Variants in ZNF888 observed in about 807,000 individuals in gnomAD.
ZNF888 encodes the protein CTD-2331H12.6.
ZNF888 carries 5 observed loss-of-function variants against 7.2 expected under a neutral mutation model. The ratio of observed to expected loss-of-function variants is 0.70; its 90% CI spans 0.36 to 1.46. The LOEUF is 1.46. ZNF888 is among the 40% of genes most tolerant of loss of function. The pLI is 0.03. For missense variants in ZNF888, 716 were observed against 858.0 expected, an observed-to-expected ratio of 0.83 and a Z score of 2.07; for synonymous variants, 240 against 284.3, an observed-to-expected ratio of 0.84 and a Z score of 1.57.
Position 52,908,118 on chromosome 19 carries a change from G to T in ZNF888, c.204C>A (p.Ile68=), listed in dbSNP as rs763813548. The change falls in exon 5 of 5, where the codon ATC becomes ATA. Residue 68 remains isoleucine, a synonymous_variant. Coordinates refer to ENST00000638862, the MANE Select transcript of ZNF888 (RefSeq NM_001393938.1). The part of the protein sequence containing the change: ...SSIGKGNTEV[I]HTGTLQRLAS... The stretch of plus-strand genomic sequence containing the variant: ...CCAGTCTTTGCAATGTCCCTGTGTG[G>T]ATCACTTCTGTATTGCCTTTCCCTA... The T allele has an allele frequency of 1.9e-6, 3 of 1,614,050 alleles. No individual in the cohort carries two copies. In the Admixed American group the frequency reaches 5.0e-5, roughly 27 times the overall value.
intron 4 of ZNF888, among the ~76,000 whole-genome samples, chr19:52,908,844 CAAAAAAAAAAA>C (rs11326533): frequency 1.2e-5 from 1 of 81,274 alleles, no homozygotes; most frequent in East Asian, 3.5e-4. Context: ...AGACTCGAGT[CAAAAAAAAAAA>C]AAAAAAAAAG....
At position 52,912,820 on chromosome 19, in the gene ZNF888, CAGAT is replaced by C. The variant is rs568629802; in HGVS notation, c.142+2372_142+2375del. 3.5e-3 allele frequency among the ~76,000 whole-genome samples: 536 copies of C among 152,070 alleles called. 4 individuals carry two copies. Among genetic ancestry groups the C allele is most frequent in the African/African-American group, 0.012 (510 of 41,518 alleles). ...TCTCCAGTAAAGGTAAATTAAAAAA[CAGAT>C]AGGCCGGACATGGTGACTCATGCCT... On this transcript the variant is annotated intron_variant, in intron 4 of 4. Coordinates refer to ENST00000638862, the MANE Select transcript of ZNF888 (RefSeq NM_001393938.1).
chr19:52,908,182 A>G lies in ZNF888; in HGVS notation c.143-3T>C, dbSNP rs2064634782. ...CATCATGCATTTGGAAGAGATATCT[A>G]CAAAATATAAACGCCAATAGTTTTC... is the stretch of plus-strand genomic sequence containing the variant. On this transcript the variant is annotated splice_polypyrimidine_tract_variant and splice_region_variant and intron_variant, in intron 4 of 4. Coordinates refer to ENST00000638862, the MANE Select transcript of ZNF888 (RefSeq NM_001393938.1). 6.2e-7 allele frequency: 1 copy of G among 1,613,542 alleles called. No homozygotes were observed. Among genetic ancestry groups the G allele is most frequent in the Non-Finnish European group, 8.5e-7 (1 of 1,179,558 alleles).
Position 52,905,773 on chromosome 19 carries a change from T to C in ZNF888, c.*392A>G. 1 of 573,444 alleles carries C rather than the reference T, an allele frequency of 1.7e-6. No homozygotes were observed. The highest frequency in any genetic ancestry group is 3.4e-6 in the Non-Finnish European group (1 of 291,056). The allele number at this position is 573,444 out of a possible 1,614,324, so 35.5% of individuals were successfully genotyped here. On this transcript the variant is annotated 3_prime_UTR_variant, in exon 5 of 5. Transcript: ENST00000638862. ...CGGAACTATTATCTCAAAAATAAAT[T>C]TTCTGATATTCTGCAAGGAGTGATC...
At position 52,906,978 on chromosome 19, in the gene ZNF888, A is replaced by G; in HGVS notation, c.1344T>C (p.Asn448=). 1.2e-6 allele frequency: 2 copies of G among 1,612,116 alleles called. No individual in the cohort carries two copies. Among genetic ancestry groups the G allele is most frequent in the South Asian group, 2.2e-5 (2 of 90,992 alleles). The change falls in exon 5 of 5, where the codon AAT becomes AAC. Residue 448 remains asparagine, a synonymous_variant. Coordinates refer to ENST00000638862, the MANE Select transcript of ZNF888 (RefSeq NM_001393938.1). ...YKCNECGKVF[N]QQSNLARHHR... The stretch of plus-strand genomic sequence containing the variant: ...GATGACGTGCAAGGTTTGATTGTTG[A>G]TTGAAAACCTTGCCACATTCATTAC...
Position 52,905,776 on chromosome 19 carries a change from CT to C in ZNF888, c.*388del. 1.7e-6 allele frequency: 1 copy of C among 580,282 alleles called. No homozygotes were observed. Among genetic ancestry groups the C allele is most frequent in the Non-Finnish European group, 3.4e-6 (1 of 295,696 alleles). 35.9% of individuals were successfully genotyped at this position (580,282 alleles called of 1,614,324 possible). ...AACTATTATCTCAAAAATAAATTTT[CT>C]GATATTCTGCAAGGAGTGATCTCAG... On this transcript the variant is annotated 3_prime_UTR_variant, in exon 5 of 5. Transcript: ENST00000638862.
chr19:52,923,273 C>T (rs1328527181), intron 1 of ZNF888, 96 bp downstream of exon 1: 1 of 983,912 alleles, frequency 1.0e-6, no homozygotes. Context: ...GGAAGAAGGG[C>T]GAGAATTTCC....
chr19:52,912,359 C>T (rs1600681703), intron 4 of ZNF888, among the ~76,000 whole-genome samples: 2 of 151,074 alleles, frequency 1.3e-5, no homozygotes, highest in Non-Finnish European at 3.0e-5. Context: ...GTGATCCGCC[C>T]CCCTCGGCCT....
chr19:52,908,588 T>C (rs1343249403), intron 4 of ZNF888, among the ~76,000 whole-genome samples: 1 of 152,196 alleles, frequency 6.6e-6, no homozygotes, highest in Non-Finnish European at 1.5e-5. Context: ...CAATGTACTA[T>C]ATTGGTAAAT....
At position 52,906,576 on chromosome 19, in the gene ZNF888, T is replaced by G; in HGVS notation, c.1746A>C (p.Glu582Asp). The change falls in exon 5 of 5, where the codon GAA (glutamate) becomes GAC (aspartate). Residue 582 changes from glutamate to aspartate, a missense_variant. Coordinates refer to ENST00000638862, the MANE Select transcript of ZNF888 (RefSeq NM_001393938.1). ...HTGEKPYKCN[E>D]CGKVFRTQSQ... Reference sequence around the variant, plus strand: ...ACTGTGTCCTAAAAACCTTGCCACATTCATTACACTTGTAAGGTTTCTCTC... The same window carrying G: ...ACTGTGTCCTAAAAACCTTGCCACAGTCATTACACTTGTAAGGTTTCTCTC... The G allele has an allele frequency of 6.2e-7, 1 of 1,613,740 alleles. No individual in the cohort carries two copies. Among genetic ancestry groups the G allele is most frequent in the Non-Finnish European group, 8.5e-7 (1 of 1,179,836 alleles).
chr19:52,907,418 C>G lies in ZNF888; in HGVS notation c.904G>C (p.Glu302Gln). ...HTGEKPYKCN[E>Q]CGKTFSDKSA... Reference sequence around the variant, plus strand: ...TTGTCACTGAACGTCTTGCCACACTCATTACACTTGTAAGGTTTTTCTCCA... The same window carrying G: ...TTGTCACTGAACGTCTTGCCACACTGATTACACTTGTAAGGTTTTTCTCCA... Residue 302 changes from glutamate (E) to glutamine (Q), a missense_variant, in exon 5 of 5, where the codon GAG becomes CAG. Coordinates refer to ENST00000638862, the MANE Select transcript of ZNF888 (RefSeq NM_001393938.1). The G allele has an allele frequency of 6.2e-7, 1 of 1,612,226 alleles. No homozygotes were observed. The highest frequency in any genetic ancestry group is 2.2e-5 in the East Asian group (1 of 44,872).
rs2064772099 is a variant in ZNF888, at chr19:52,918,113, G to A, written c.-58-182C>T. The A allele has an allele frequency of 2.1e-6, 3 of 1,400,842 alleles. No homozygotes were observed. The East Asian group carries it at 7.9e-5, about 37-fold the overall frequency. 86.8% of individuals were successfully genotyped at this position (1,400,842 alleles called of 1,614,324 possible). A position where few individuals can be genotyped will look rare whatever the true frequency, so the allele number is the denominator to read the frequency against. On this transcript the variant is annotated intron_variant, in intron 2 of 4. Coordinates refer to ENST00000638862, the MANE Select transcript of ZNF888 (RefSeq NM_001393938.1). ...TAGGAAAACTCCCACTCCCCTTCTGGAGAAGCCCACACACACGCTGCAGCA... is the reference window on the plus strand; with the variant it reads ...TAGGAAAACTCCCACTCCCCTTCTGAAGAAGCCCACACACACGCTGCAGCA...
chr19:52,908,721 C>A (rs2064640380), intron 4 of ZNF888, among the ~76,000 whole-genome samples: 1 of 151,958 alleles, frequency 6.6e-6, no homozygotes, highest in African/African-American at 2.4e-5. Flanking sequence ...TGGCCCGTGC[C>A]TGTAATCCCA....
intron 4 of ZNF888, among the ~76,000 whole-genome samples, chr19:52,909,501 G>A (rs2064652069): frequency 6.6e-6 from 1 of 151,988 alleles, no homozygotes; most frequent in Non-Finnish European, 1.5e-5. Context: ...ACATGTCTCA[G>A]CCTCCTAAAT....
chr19:52,906,649 C>T lies in ZNF888; in HGVS notation c.1673G>A (p.Ser558Asn). 3 of 1,612,760 alleles carry T rather than the reference C, an allele frequency of 1.9e-6. No individual in the cohort carries two copies. Among genetic ancestry groups the T allele is most frequent in the Non-Finnish European group, 2.5e-6 (3 of 1,179,552 alleles). The change falls in exon 5 of 5, where the codon AGT becomes AAT. Residue 558 changes from serine (S) to asparagine (N), a missense_variant. By Grantham distance (46) the Ser-to-Asn change is conservative. Around this residue, in one of 2 missense-constraint regions of ZNF888, gnomAD observed 697 missense variants for 803.4 expected, o/e 0.87. Transcript: ENST00000638862. Reference protein sequence around the residue: ...KRYKCNECGKSFNHKSSLAYH... With the variant: ...KRYKCNECGKNFNHKSSLAYH... Reference sequence around the variant, plus strand: ...TGCAAGGCTTGATTTGTGATTAAAACTTTTGCCACATTCATTACACTTGTA... The same window carrying T: ...TGCAAGGCTTGATTTGTGATTAAAATTTTTGCCACATTCATTACACTTGTA...
rs905254986 is a variant in ZNF888 at position 52,905,923 on chromosome 19, G to A, written c.*242C>T. 2 of 804,052 alleles carry A rather than the reference G, an allele frequency of 2.5e-6. No homozygotes were observed. Among genetic ancestry groups the A allele is most frequent in the African/African-American group, 3.2e-5 (2 of 62,268 alleles). 49.8% of individuals were successfully genotyped at this position (804,052 alleles called of 1,614,324 possible). Reference sequence around the variant, plus strand: ...TGCTCACAATCATCACACTTGTGAGGTTTCTCTCCTGTATGAATTCTCCTG... The same window carrying A: ...TGCTCACAATCATCACACTTGTGAGATTTCTCTCCTGTATGAATTCTCCTG... On this transcript the variant is annotated 3_prime_UTR_variant, in exon 5 of 5. Coordinates refer to ENST00000638862, the MANE Select transcript of ZNF888 (RefSeq NM_001393938.1).
Position 52,905,900 on chromosome 19 carries a change from C to G in ZNF888, c.*265G>C. On this transcript the variant is annotated 3_prime_UTR_variant, in exon 5 of 5. Coordinates refer to ENST00000638862, the MANE Select transcript of ZNF888 (RefSeq NM_001393938.1). ...GTGTGAACGTGAAGTAAAGGCTTTG[C>G]TCACAATCATCACACTTGTGAGGTT... 1 of 781,536 alleles carries G rather than the reference C, an allele frequency of 1.3e-6. No homozygotes were observed. The highest frequency in any genetic ancestry group is 2.3e-6 in the Non-Finnish European group (1 of 436,214). The allele number at this position is 781,536 out of a possible 1,614,324, so 48.4% of individuals were successfully genotyped here. A position where few individuals can be genotyped will look rare whatever the true frequency, so the allele number is the denominator to read the frequency against.
Position 52,906,057 on chromosome 19 carries a change from G to T in ZNF888, c.*108C>A. ...GAACTACAGCGTATGAACGATGTCT[G>T]AAAAATTTGCCACATTTACTACACT... On this transcript the variant is annotated 3_prime_UTR_variant, in exon 5 of 5. Coordinates refer to ENST00000638862, the MANE Select transcript of ZNF888 (RefSeq NM_001393938.1). 6.5e-7 allele frequency: 1 copy of T among 1,531,582 alleles called. No homozygotes were observed. The highest frequency in any genetic ancestry group is 1.1e-5 in the South Asian group (1 of 88,740). 94.9% of individuals were successfully genotyped at this position (1,531,582 alleles called of 1,614,324 possible).
In ZNF888 at chr19:52,907,438, T is replaced by C. The variant is rs2064623967; in HGVS notation, c.884A>G (p.Glu295Gly). 1 of 1,611,096 alleles carries C rather than the reference T, an allele frequency of 6.2e-7. No homozygotes were observed. The highest frequency in any genetic ancestry group is 8.5e-7 in the Non-Finnish European group (1 of 1,178,484). ...LARHYRRHTG[E>G]KPYKCNECGK... The stretch of plus-strand genomic sequence containing the variant: ...ACACTCATTACACTTGTAAGGTTTT[T>C]CTCCAGTATGACGTCTATAATGACG... Residue 295 changes from glutamate (E) to glycine (G), a missense_variant, in exon 5 of 5, where the codon GAA becomes GGA. Transcript: ENST00000638862.
Sources: allele counts gnomAD v4.1 joint callset (sites outside exome capture counted in the v4.1 genomes callset), GRCh38; gene constraint gnomAD v4.1.1; regional missense constraint gnomAD v4.1.1; transcripts MANE v1.5; gene names NCBI Gene and HGNC (gene_info 2026-07-23, HGNC 2026-07-21).